The following LHPP variants were observed in gnomAD, a reference collection of about 807,000 sequenced individuals.
The protein encoded by LHPP is hLHPP.
Under a neutral mutation model 30.3 loss-of-function variants are expected in LHPP, and 24 were observed. That is an observed-to-expected ratio of 0.79 (90% CI 0.57 to 1.11). The LOEUF is 1.11. LHPP is among the 50% of genes most tolerant of loss of function. LHPP has a pLI of 0.00. For missense variants in LHPP, 356 were observed against 367.2 expected, an observed-to-expected ratio of 0.97 and a Z score of 0.25; for synonymous variants, 150 against 157.1, an observed-to-expected ratio of 0.95 and a Z score of 0.34.
intron 6 of LHPP, among the ~76,000 whole-genome samples, chr10:124,605,906 C>T (rs926801452): frequency 1.1e-4 from 17 of 152,142 alleles, no homozygotes; most frequent in Admixed American, 6.5e-4. Context: ...TCAAGGGGCC[C>T]GGGTCACCCT....
intron 5 of LHPP, among the ~76,000 whole-genome samples, chr10:124,509,659 T>C (rs1449619658): frequency 1.3e-5 from 2 of 151,922 alleles, no homozygotes; most frequent in South Asian, 4.2e-4. Flanking sequence ...TTGCACTGTC[T>C]CCAGGTCTCT....
chr10:124,568,286 T>C (rs903648473), intron 6 of LHPP, among the ~76,000 whole-genome samples: 1 of 152,202 alleles, frequency 6.6e-6, no homozygotes, highest in Non-Finnish European at 1.5e-5. Context: ...AGGGTACAAT[T>C]TGATATACTT....
rs373458572 is a variant in LHPP, at chr10:124,554,063, G to A, written c.716+36792G>A. ...AAGAAGGCCTCGAGCCTGTAGTTGCGGGGCGGTGGTCAGCCTGGGCTGCCT... is the reference window on the plus strand; with the variant it reads ...AAGAAGGCCTCGAGCCTGTAGTTGCAGGGCGGTGGTCAGCCTGGGCTGCCT... On this transcript the variant is annotated intron_variant, in intron 6 of 6. Transcript: ENST00000368842. The A allele has an allele frequency of 9.4e-4, 927 of 985,448 alleles. 5 individuals carry two copies. The South Asian group carries it at 0.014, about 15-fold the overall frequency. 61.0% of individuals were successfully genotyped at this position (985,448 alleles called of 1,614,324 possible). A position where few individuals can be genotyped will look rare whatever the true frequency, so the allele number is the denominator to read the frequency against.
intron 1 of LHPP, among the ~76,000 whole-genome samples, chr10:124,475,942 C>T (rs1410692615): frequency 6.6e-6 from 1 of 152,190 alleles, no homozygotes; most frequent in African/African-American, 2.4e-5. Flanking sequence ...TGCCGATTCC[C>T]ATGTACTTCA....
chr10:124,534,529 G>A (rs1253199263), intron 6 of LHPP, among the ~76,000 whole-genome samples: 1 of 152,248 alleles, frequency 6.6e-6, no homozygotes, highest in African/African-American at 2.4e-5. Context: ...TGAGATCTCA[G>A]ACCCACGACC....
chr10:124,537,026 A>G (rs761083633), intron 6 of LHPP, among the ~76,000 whole-genome samples: 2 of 152,238 alleles, frequency 1.3e-5, no homozygotes, highest in African/African-American at 2.4e-5. Flanking sequence ...TTTCAGAATA[A>G]TCTAGCACTT....
chr10:124,610,102 G>A (rs766477334), intron 6 of LHPP, among the ~76,000 whole-genome samples: 3 of 152,196 alleles, frequency 2.0e-5, no homozygotes, highest in Admixed American at 1.3e-4. Context: ...TGGTGATGCC[G>A]AGTCCATATT....
intron 5 of LHPP, among the ~76,000 whole-genome samples, chr10:124,503,693 G>T (rs941784381): frequency 2.0e-5 from 3 of 151,614 alleles, no homozygotes; most frequent in Admixed American, 2.0e-4. Flanking sequence ...GTTTTTACCT[G>T]TCTCTGGTAG....
intron 6 of LHPP, among the ~76,000 whole-genome samples, chr10:124,610,306 G>A (rs925655884): frequency 9.7e-5 from 8 of 82,632 alleles, no homozygotes; most frequent in Non-Finnish European, 1.5e-4. Context: ...CTAATGGAGC[G>A]GGTGCGGGTG....
intron 6 of LHPP, among the ~76,000 whole-genome samples, chr10:124,562,533 C>A (rs1000793045): frequency 1.3e-5 from 2 of 152,026 alleles, no homozygotes; most frequent in South Asian, 2.1e-4. Flanking sequence ...GACATTTCAC[C>A]AAAGATGATA....
chr10:124,483,719 T>A lies in LHPP; in HGVS notation c.126-420T>A, dbSNP rs553904610. Among the ~76,000 whole-genome samples the A allele has an allele frequency of 5.9e-5, 9 of 151,960 alleles. 1 individual carries two copies. The highest frequency in any genetic ancestry group is 1.2e-4 in the Non-Finnish European group (8 of 68,016). ...TTGCAGTGAGCTGAGATCATGCCAC[T>A]GCACTCCAGCCTGGGCGACAAGAGC... On this transcript the variant is annotated intron_variant, in intron 1 of 6. Transcript: ENST00000368842.
rs200928588 is a variant in LHPP, at chr10:124,591,061, G to GTAC, written c.717-22203_717-22202insTAC. 8.9e-3 allele frequency among the ~76,000 whole-genome samples: 1,348 copies of GTAC among 152,296 alleles called. 24 individuals are homozygous for GTAC. The highest frequency in any genetic ancestry group is 0.031 in the African/African-American group (1,278 of 41,556). On this transcript the variant is annotated intron_variant, in intron 6 of 6. Transcript: ENST00000368842. ...GGGAGTGCAGAGCAGCCCTCTGAGG[G>GTAC]GGTAGCGTGTGCAGGAAATAAGCCG...
At chr10:124,467,478 C>T in intron 1 of LHPP, among the ~76,000 whole-genome samples, 1 of 151,584 alleles carries the variant, frequency 6.6e-6, no homozygotes, top group South Asian at 2.1e-4. Context: ...CACAGTAGAC[C>T]CACAACAGTG....
At chr10:124,491,361 C>T (rs1423690710) in intron 3 of LHPP, among the ~76,000 whole-genome samples, 1 of 152,214 alleles carries the variant, frequency 6.6e-6, no homozygotes, top group African/African-American at 2.4e-5. Flanking sequence ...ATGGAACCGA[C>T]AGGGAGGGAC....
chr10:124,489,852 CA>C, intron 3 of LHPP: 1 of 216,632 alleles, frequency 4.6e-6, no homozygotes, highest in Non-Finnish European at 9.2e-6. Flanking sequence ...TGTCCACGAC[CA>C]AATACGCCTG....
chr10:124,483,345 T>G (rs1185202220), intron 1 of LHPP, among the ~76,000 whole-genome samples: 1 of 152,194 alleles, frequency 6.6e-6, no homozygotes, highest in Non-Finnish European at 1.5e-5. Flanking sequence ...GCAGCTCACT[T>G]GCAAGTGGAA....
At position 124,511,257 on chromosome 10, in the gene LHPP, G is replaced by A. The variant is rs572931172; in HGVS notation, c.625-5923G>A. The stretch of plus-strand genomic sequence containing the variant: ...GGAACTTTTGATGACTACTATAAAT[G>A]GAAAACCAGAATCTCTCACTTACCA... On this transcript the variant is annotated intron_variant, in intron 5 of 6. Transcript: ENST00000368842. Among the ~76,000 whole-genome samples, 9 of 152,198 alleles carry A rather than the reference G, an allele frequency of 5.9e-5. No homozygotes were observed. The South Asian group carries it at 1.9e-3, about 32-fold the overall frequency.
chr10:124,573,247 T>C (rs990280580), intron 6 of LHPP, among the ~76,000 whole-genome samples: 1 of 152,234 alleles, frequency 6.6e-6, no homozygotes, highest in Non-Finnish European at 1.5e-5. Context: ...ACCTCACACA[T>C]CTGTGGTACA....
intron 6 of LHPP, among the ~76,000 whole-genome samples, chr10:124,563,050 G>T (rs188280287): frequency 1.3e-5 from 2 of 152,190 alleles, no homozygotes; most frequent in East Asian, 3.9e-4. Flanking sequence ...CAAATGCTCT[G>T]GAAAATAGCT....
Sources: allele counts gnomAD v4.1 joint callset (sites outside exome capture counted in the v4.1 genomes callset), GRCh38; gene constraint gnomAD v4.1.1; transcripts MANE v1.5; gene names NCBI Gene and HGNC (gene_info 2026-07-23, HGNC 2026-07-21).